The following INPP5F variants were observed in gnomAD, a reference collection of about 807,000 sequenced individuals.
INPP5F encodes inositol polyphosphate-5-phosphatase F.
Under a neutral mutation model 137.2 loss-of-function variants are expected in INPP5F, and 97 were observed. The ratio of observed to expected loss-of-function variants is 0.71; its 90% confidence interval spans 0.60 to 0.84. INPP5F has a LOEUF of 0.84. INPP5F is among the 40% of genes least tolerant of loss of function. The pLI, the probability that INPP5F is intolerant of heterozygous loss-of-function variation, is 0.00. For missense variants in INPP5F, 1,271 were observed against 1,371.9 expected (o/e 0.93, Z 1.16); for synonymous variants, 504 against 476.9 (o/e 1.06, Z -0.74).
chr10:119,818,228 C>T (rs1254691802), intron 15 of INPP5F, among the ~76,000 whole-genome samples: 1 of 152,248 alleles, frequency 6.6e-6, no homozygotes, highest in Non-Finnish European at 1.5e-5. Flanking sequence ...ACCCCCGACT[C>T]TATCGACAGC....
chr10:119,826,438 T>G (rs1589762228), intron 19 of INPP5F, among the ~76,000 whole-genome samples, 193 bp from the exon 20 acceptor site: 1 of 152,252 alleles, frequency 6.6e-6, no homozygotes, highest in Admixed American at 6.5e-5. Flanking sequence ...ATTGTAATTA[T>G]GCATGTATTT....
Position 119,796,878 on chromosome 10 carries a change from T to C in INPP5F, c.833T>C (p.Val278Ala), listed in dbSNP as rs1180526181. The C allele has an allele frequency of 6.2e-7, 1 of 1,613,814 alleles. No individual in the cohort carries two copies. The highest frequency in any genetic ancestry group is 1.3e-5 in the African/African-American group (1 of 74,916). The change falls in exon 7 of 20, where the codon GTG (valine) becomes GCG (alanine). Residue 278 changes from valine (V) to alanine (A), a missense_variant. Physicochemically the swap from Val to Ala is moderately conservative, Grantham distance 64. This residue lies in a region of INPP5F where 593 missense variants were observed against 712.4 expected (regional missense o/e 0.83). Transcript: ENST00000650623. ...CVDDIHPRFL[V>A]ALISRRSRHR... ...GATGATATTCACCCACGATTTCTAGTGGCTCTCATTTCACGCCGAAGTAGG... is the reference window on the plus strand; with the variant it reads ...GATGATATTCACCCACGATTTCTAGCGGCTCTCATTTCACGCCGAAGTAGG...
rs1851864081 is a variant in INPP5F, at chr10:119,828,504, T to C, written c.*724T>C. ...GTTTTCAGGAATGTAAGAACACCCA[T>C]ATTGGCTACTGGAAATTCTAGAAGT... On this transcript the variant is annotated 3_prime_UTR_variant, in exon 20 of 20. Coordinates refer to ENST00000650623, the MANE Select transcript of INPP5F (RefSeq NM_014937.4). 6.6e-6 allele frequency: 1 copy of C among 152,168 alleles called. No homozygotes were observed. Among genetic ancestry groups the C allele is most frequent in the South Asian group, 2.1e-4 (1 of 4,820 alleles). 9.4% of individuals were successfully genotyped at this position (152,168 alleles called of 1,614,324 possible).
At chr10:119,785,125 G>C (rs558133969) in intron 3 of INPP5F, among the ~76,000 whole-genome samples, 30 of 151,250 alleles carry the variant, frequency 2.0e-4, no homozygotes, top group African/African-American at 7.3e-4. Context: ...CATTTGAGTT[G>C]TTTCCACCTT....
chr10:119,819,665 A>G (rs1403350762), intron 15 of INPP5F: 2 of 591,734 alleles, frequency 3.4e-6, no homozygotes, highest in Non-Finnish European at 5.4e-6. Flanking sequence ...TGGCTCCTAG[A>G]ATCGATCTGT....
At chr10:119,800,174 A>G (rs555753802) in intron 9 of INPP5F, among the ~76,000 whole-genome samples, 29 of 151,482 alleles carry the variant, frequency 1.9e-4, no homozygotes, top group Non-Finnish European at 2.1e-4. Flanking sequence ...TTAAGACACA[A>G]GAGAATGGAA....
intron 6 of INPP5F, among the ~76,000 whole-genome samples, chr10:119,794,070 G>C (rs916844154): frequency 1.3e-5 from 2 of 151,962 alleles, no homozygotes; most frequent in Non-Finnish European, 2.9e-5. Flanking sequence ...TCGCAGAGGG[G>C]GATTTGGCAG....
At chr10:119,806,270 G>C in intron 11 of INPP5F, 90 bp from the exon 12 acceptor site, 1 of 880,156 alleles carries the variant, frequency 1.1e-6, no homozygotes, top group Non-Finnish European at 1.7e-6. Context: ...AGCCAGTGCT[G>C]CTGTTTTATT....
chr10:119,784,264 ATTG>A (rs1849802620), intron 3 of INPP5F, among the ~76,000 whole-genome samples: 1 of 152,224 alleles, frequency 6.6e-6, no homozygotes, highest in South Asian at 2.1e-4. Flanking sequence ...CTTGGAAATA[ATTG>A]TTATCAATAT....
At chr10:119,771,867 TATATATATA>T (rs1849356057) in intron 2 of INPP5F, among the ~76,000 whole-genome samples, 4 of 14,856 alleles carry the variant, frequency 2.7e-4, no homozygotes, top group East Asian at 9.5e-4. Flanking sequence ...TATATATATA[TATATATATA>T]TATATATTTT....
Position 119,745,638 on chromosome 10 carries a change from A to T in INPP5F, c.98-5438A>T, listed in dbSNP as rs192369655. ...CCTTGTGATGTAATCCCTGGCCGTAATCTTATTTTACTTATGTTATTATCT... is the reference window on the plus strand; with the variant it reads ...CCTTGTGATGTAATCCCTGGCCGTATTCTTATTTTACTTATGTTATTATCT... On this transcript the variant is annotated intron_variant, in intron 1 of 19. Transcript: ENST00000650623. 2.0e-5 allele frequency among the ~76,000 whole-genome samples: 3 copies of T among 150,322 alleles called. No individual in the cohort carries two copies. In the East Asian group the frequency reaches 5.9e-4, roughly 29 times the overall value.
chr10:119,732,500 CTTTTT>C (rs59388357), intron 1 of INPP5F, among the ~76,000 whole-genome samples: 1 of 115,568 alleles, frequency 8.7e-6, no homozygotes, highest in East Asian at 2.6e-4. Context: ...TTTCTTTTTT[CTTTTT>C]TTTTTTTTTT....
chr10:119,817,637 C>T (rs975270191), intron 15 of INPP5F, among the ~76,000 whole-genome samples: 4 of 151,658 alleles, frequency 2.6e-5, no homozygotes, highest in African/African-American at 9.7e-5. Context: ...ATTTCTGTGT[C>T]TTAGTTGGAA....
chr10:119,806,997 G>A (rs1469159619), intron 12 of INPP5F, among the ~76,000 whole-genome samples: 5 of 151,980 alleles, frequency 3.3e-5, no homozygotes, highest in Non-Finnish European at 7.4e-5. Flanking sequence ...TAGGCTGGGC[G>A]CAGTGGCTCA....
intron 9 of INPP5F, among the ~76,000 whole-genome samples, chr10:119,800,421 A>G (rs1415852494): frequency 2.0e-5 from 3 of 150,384 alleles, no homozygotes; most frequent in African/African-American, 7.3e-5. Context: ...TTAACCAGGC[A>G]TGGTGGCTTG....
Position 119,798,535 on chromosome 10 carries a change from C to T in INPP5F, c.1049-8C>T. On this transcript the variant is annotated splice_polypyrimidine_tract_variant and splice_region_variant and intron_variant, in intron 8 of 19. Transcript: ENST00000650623. The stretch of plus-strand genomic sequence containing the variant: ...AGGAAAAAAAGATTTTGTATCACTT[C>T]TTTGTAGGTGAAAAGGAAACTGTTG... 6.2e-7 allele frequency: 1 copy of T among 1,605,570 alleles called. No individual in the cohort carries two copies. Among genetic ancestry groups the T allele is most frequent in the Non-Finnish European group, 8.5e-7 (1 of 1,174,344 alleles).
intron 2 of INPP5F, among the ~76,000 whole-genome samples, chr10:119,780,792 G>A (rs1849674797): frequency 6.6e-6 from 1 of 152,050 alleles, no homozygotes; most frequent in Non-Finnish European, 1.5e-5. Flanking sequence ...GTTTACCATA[G>A]CATTTAGATT....
chr10:119,788,327 G>A (rs2134197081), intron 3 of INPP5F, among the ~76,000 whole-genome samples: 1 of 152,222 alleles, frequency 6.6e-6, no homozygotes, highest in Middle Eastern at 3.4e-3. Context: ...GAAAGAAGGT[G>A]ACATTTTCTA....
intron 2 of INPP5F, among the ~76,000 whole-genome samples, chr10:119,767,636 A>G (rs2134154244): frequency 6.6e-6 from 1 of 152,354 alleles, no homozygotes; most frequent in East Asian, 1.9e-4. Flanking sequence ...TGTTTATACT[A>G]GAAAAACAAT....
Sources: allele counts gnomAD v4.1 joint callset (sites outside exome capture counted in the v4.1 genomes callset), GRCh38; gene constraint gnomAD v4.1.1; regional missense constraint gnomAD v4.1.1; transcripts MANE v1.5; gene names NCBI Gene and HGNC (gene_info 2026-07-23, HGNC 2026-07-21).